Variants in NKAIN2 observed in about 807,000 individuals in gnomAD.
NKAIN2 encodes the protein sodium/potassium-transporting ATPase subunit beta-1-interacting protein 2.
In NKAIN2, 14 loss-of-function variants were observed where a neutral mutation model predicts 32.6. The observed-to-expected ratio is 0.43, with a 90% CI of 0.28 to 0.67. The LOEUF (loss-of-function observed/expected upper bound fraction) is 0.67. Among genes scored for constraint, NKAIN2 ranks in the 30% least tolerant of loss-of-function variants. NKAIN2 has a pLI of 0.17. For missense variants in NKAIN2, 198 were observed against 258.3 expected, an observed-to-expected ratio of 0.77 and a Z score of 1.60; for synonymous variants, 80 against 87.2, an observed-to-expected ratio of 0.92 and a Z score of 0.46.
chr6:123,986,296 A>G (rs961905530), intron 1 of NKAIN2, among the ~76,000 whole-genome samples: 2 of 152,222 alleles, frequency 1.3e-5, no homozygotes, highest in Non-Finnish European at 2.9e-5. Flanking sequence ...GGAGCATTAA[A>G]TAAAGCAGTA....
chr6:124,054,542 C>T (rs751780439), intron 1 of NKAIN2, among the ~76,000 whole-genome samples: 1 of 151,978 alleles, frequency 6.6e-6, no homozygotes. Flanking sequence ...TAATGTTATT[C>T]GAACAAATGA....
intron 3 of NKAIN2, among the ~76,000 whole-genome samples, chr6:124,498,197 G>A (rs1778142438): frequency 6.6e-6 from 1 of 152,194 alleles, no homozygotes; most frequent in Non-Finnish European, 1.5e-5. Context: ...CGAACTGTGA[G>A]TCAGGTGATG....
chr6:124,213,725 A>G (rs572612448), intron 1 of NKAIN2, among the ~76,000 whole-genome samples: 1 of 152,294 alleles, frequency 6.6e-6, no homozygotes, highest in South Asian at 2.1e-4. Context: ...AAAATGTACA[A>G]TATCTTTATT....
At chr6:124,123,515 T>C (rs1443752848) in intron 1 of NKAIN2, among the ~76,000 whole-genome samples, 1 of 152,152 alleles carries the variant, frequency 6.6e-6, no homozygotes, top group East Asian at 1.9e-4. Flanking sequence ...TTTATGAACC[T>C]TAAGAGGTTT....
At chr6:124,125,704 C>A (rs1786130288) in intron 1 of NKAIN2, among the ~76,000 whole-genome samples, 1 of 152,170 alleles carries the variant, frequency 6.6e-6, no homozygotes, top group Non-Finnish European at 1.5e-5. Flanking sequence ...GTTTTAAGCT[C>A]TAGAACCTTT....
At chr6:124,557,358 CTT>C (rs1562254759) in intron 3 of NKAIN2, among the ~76,000 whole-genome samples, 1 of 152,062 alleles carries the variant, frequency 6.6e-6, no homozygotes, top group African/African-American at 2.4e-5. Context: ...AAAAAAAACT[CTT>C]TGAGTTACAT....
chr6:123,925,095 G>T (rs1167674325), intron 1 of NKAIN2, among the ~76,000 whole-genome samples: 1 of 151,864 alleles, frequency 6.6e-6, no homozygotes, highest in Non-Finnish European at 1.5e-5. Context: ...TGAATTACTT[G>T]TCCAAGTGGC....
At chr6:124,581,253 C>A (rs915697877) in intron 3 of NKAIN2, among the ~76,000 whole-genome samples, 13 of 151,742 alleles carry the variant, frequency 8.6e-5, no homozygotes, top group Non-Finnish European at 1.8e-4. Context: ...TCCTGGCTAA[C>A]AAGGTGAAAC....
intron 3 of NKAIN2, among the ~76,000 whole-genome samples, chr6:124,439,067 A>G (rs887566174): frequency 1.3e-5 from 2 of 152,158 alleles, no homozygotes; most frequent in Non-Finnish European, 2.9e-5. Context: ...TTCAGATCCT[A>G]GAATCACATA....
intron 3 of NKAIN2, among the ~76,000 whole-genome samples, chr6:124,384,739 C>T (rs1331971037): frequency 6.8e-6 from 1 of 148,090 alleles, no homozygotes; most frequent in East Asian, 1.9e-4. Flanking sequence ...CGATCCTTCT[C>T]ACTTCAGCCT....
At chr6:123,863,420 T>G (rs1161207119) in intron 1 of NKAIN2, among the ~76,000 whole-genome samples, 1 of 152,214 alleles carries the variant, frequency 6.6e-6, no homozygotes, top group Non-Finnish European at 1.5e-5. Context: ...CCACCTTATC[T>G]TTTATACACA....
chr6:124,518,631 G>C (rs1779012669), intron 3 of NKAIN2, among the ~76,000 whole-genome samples: 1 of 152,088 alleles, frequency 6.6e-6, no homozygotes, highest in African/African-American at 2.4e-5. Flanking sequence ...CTACCCCCAT[G>C]ACTCAAACAC....
intron 2 of NKAIN2, among the ~76,000 whole-genome samples, chr6:124,339,237 C>T (rs546720059): frequency 2.0e-5 from 3 of 152,074 alleles, no homozygotes; most frequent in East Asian, 1.9e-4. Context: ...GCTACTCACC[C>T]GGGAGGCTGA....
Position 124,556,795 on chromosome 6 carries a change from C to A in NKAIN2, c.274-101391C>A, listed in dbSNP as rs527577416. 3.3e-5 allele frequency among the ~76,000 whole-genome samples: 5 copies of A among 152,156 alleles called. No homozygotes were observed. The East Asian group carries it at 7.7e-4, about 24-fold the overall frequency. On this transcript the variant is annotated intron_variant, in intron 3 of 6. Transcript: ENST00000368417. ...ATGTGGTTTCATACTTTGTTGAAGT[C>A]CTAAACTAGTCCTATAATTGGTGAG...
At chr6:124,528,051 C>A (rs1167272708) in intron 3 of NKAIN2, among the ~76,000 whole-genome samples, 7 of 152,078 alleles carry the variant, frequency 4.6e-5, no homozygotes, top group African/African-American at 1.7e-4. Context: ...TCTGAAGGTC[C>A]TTGGTGATAT....
chr6:124,221,896 A>G (rs1791851127), intron 1 of NKAIN2, among the ~76,000 whole-genome samples: 1 of 152,230 alleles, frequency 6.6e-6, no homozygotes, highest in Admixed American at 6.5e-5. Context: ...TGCATGGATC[A>G]ACTGAGGTTA....
At chr6:124,661,078 G>A (rs908916057) in intron 4 of NKAIN2, among the ~76,000 whole-genome samples, 11 of 152,174 alleles carry the variant, frequency 7.2e-5, no homozygotes, top group Admixed American at 2.6e-4. Flanking sequence ...ATCTAGAGAA[G>A]CAAAGGTGTC....
intron 3 of NKAIN2, among the ~76,000 whole-genome samples, chr6:124,397,458 G>GTAGGTA (rs1314749054): frequency 7.3e-5 from 11 of 151,608 alleles, no homozygotes; most frequent in African/African-American, 2.7e-4. Context: ...CTACCATTGG[G>GTAGGTA]CTGTTTTACC....
intron 4 of NKAIN2, among the ~76,000 whole-genome samples, chr6:124,728,358 T>A (rs1463327774): frequency 5.3e-5 from 5 of 93,736 alleles, no homozygotes; most frequent in Non-Finnish European, 1.1e-4. Flanking sequence ...ACAAACTATC[T>A]CTCAGACCAC....
Sources: allele counts gnomAD v4.1 joint callset (sites outside exome capture counted in the v4.1 genomes callset), GRCh38; gene constraint gnomAD v4.1.1; transcripts MANE v1.5; gene names NCBI Gene and HGNC (gene_info 2026-07-23, HGNC 2026-07-21).